The following BTRC variants were observed in gnomAD, a reference collection of about 807,000 sequenced individuals.
BTRC encodes beta-transducin repeat containing E3 ubiquitin protein ligase, also known as F-box/WD repeat-containing protein 1A.
A neutral mutation model predicts 85.5 loss-of-function variants in BTRC; 42 were observed. The observed-to-expected ratio is 0.49, with a 90% confidence interval of 0.38 to 0.64. The LOEUF (loss-of-function observed/expected upper bound fraction) is 0.64. Ranked by LOEUF, BTRC falls within the 30% of genes least tolerant of loss-of-function variation. The pLI, the probability that BTRC is intolerant of heterozygous loss-of-function variation, is 0.00. For synonymous variants in BTRC, 255 were observed against 263.3 expected, an observed-to-expected ratio of 0.97 and a Z score of 0.30; for missense variants, 594 against 743.5, an observed-to-expected ratio of 0.80 and a Z score of 2.34.
intron 1 of BTRC, among the ~76,000 whole-genome samples, chr10:101,383,970 C>T (rs1012569671): frequency 1.3e-5 from 2 of 152,186 alleles, no homozygotes; most frequent in Non-Finnish European, 2.9e-5. Flanking sequence ...CCGTCTCAGC[C>T]TCCCAAATAG....
At chr10:101,390,762 TAAAAAAGAA>T (rs568704641) in intron 1 of BTRC, among the ~76,000 whole-genome samples, 3 of 150,628 alleles carry the variant, frequency 2.0e-5, no homozygotes, top group African/African-American at 4.9e-5. Context: ...TTGTTTGTCT[TAAAAAAGAA>T]AGAAAGAAAG....
chr10:101,514,763 A>G (rs1461036482), intron 4 of BTRC, among the ~76,000 whole-genome samples: 1 of 150,818 alleles, frequency 6.6e-6, no homozygotes, highest in African/African-American at 2.4e-5. Context: ...TCCCCATTGA[A>G]TTATCTTGGC....
chr10:101,430,522 C>T (rs764984022), intron 2 of BTRC, 70 bp downstream of exon 2: 83 of 1,204,544 alleles, frequency 6.9e-5, no homozygotes, highest in Non-Finnish European at 9.8e-5. Context: ...GTATGTGCCT[C>T]CTCCTTTCCC....
intron 2 of BTRC, among the ~76,000 whole-genome samples, chr10:101,453,096 TTC>T (rs1352341157): frequency 2.0e-5 from 3 of 152,190 alleles, no homozygotes; most frequent in Admixed American, 6.5e-5. Context: ...AAATAATAAT[TTC>T]TGTTTTTGTA....
chr10:101,371,186 GT>G (rs60045010), intron 1 of BTRC, among the ~76,000 whole-genome samples: 54,463 of 149,454 alleles, frequency 0.36, 10,902 homozygotes, highest in Middle Eastern at 0.49. Context: ...TTTGTTTGGT[GT>G]TTTTTTTTTC....
At chr10:101,503,012 A>G (rs1946433470) in intron 4 of BTRC, among the ~76,000 whole-genome samples, 1 of 152,198 alleles carries the variant, frequency 6.6e-6, no homozygotes, top group African/African-American at 2.4e-5. Context: ...TTTTAATCTT[A>G]ACATTAGCCC....
At chr10:101,380,517 G>A (rs1232912209) in intron 1 of BTRC, among the ~76,000 whole-genome samples, 2 of 152,008 alleles carry the variant, frequency 1.3e-5, no homozygotes, top group Admixed American at 6.6e-5. Flanking sequence ...CTTCCCAGAC[G>A]GTGGGGCGGC....
intron 13 of BTRC, among the ~76,000 whole-genome samples, chr10:101,544,968 A>G (rs548379560): frequency 1.3e-5 from 2 of 152,020 alleles, no homozygotes; most frequent in South Asian, 4.2e-4. Flanking sequence ...TGTGAGGATC[A>G]TATGAGTCCA....
chr10:101,400,471 A>AT (rs1589423471), intron 1 of BTRC, among the ~76,000 whole-genome samples: 1 of 152,336 alleles, frequency 6.6e-6, no homozygotes. Flanking sequence ...AAAGCTCCAG[A>AT]TAGCTCCCTT....
intron 1 of BTRC, among the ~76,000 whole-genome samples, chr10:101,391,569 G>T (rs1201741675): frequency 6.6e-6 from 1 of 152,116 alleles, no homozygotes; most frequent in African/African-American, 2.4e-5. Context: ...ATGTATGTTG[G>T]AGAGACTCTT....
intron 2 of BTRC, among the ~76,000 whole-genome samples, chr10:101,461,027 C>A (rs1484123972): frequency 6.6e-6 from 1 of 151,956 alleles, no homozygotes; most frequent in African/African-American, 2.4e-5. Flanking sequence ...CTCAGACTCT[C>A]GAGTAGCTGG....
rs556929371 is a variant in BTRC, at chr10:101,526,274, G to A, written c.743+75G>A. The A allele has an allele frequency of 9.8e-6, 13 of 1,326,240 alleles. No homozygotes were observed. The South Asian group carries it at 1.0e-4, about 10-fold the overall frequency. 82.2% of individuals were successfully genotyped at this position (1,326,240 alleles called of 1,614,324 possible). ...TCACAGTCACTGAAAGATTTTTGGG[G>A]AGCCAATGAGACCACTTCTCATTTA... On this transcript the variant is annotated intron_variant, in intron 6 of 14. Transcript: ENST00000370187.
chr10:101,500,722 ATTAATT>A (rs1946379728), intron 4 of BTRC, among the ~76,000 whole-genome samples: 1 of 152,200 alleles, frequency 6.6e-6, no homozygotes, highest in African/African-American at 2.4e-5. Context: ...ATTTTAAATT[ATTAATT>A]TTAAAGTCAG....
In BTRC at chr10:101,550,714, G is replaced by A; in HGVS notation, c.1672G>A (p.Val558Ile). 1 of 1,612,752 alleles carries A rather than the reference G, an allele frequency of 6.2e-7. No homozygotes were observed. Among genetic ancestry groups the A allele is most frequent in the East Asian group, 2.2e-5 (1 of 44,848 alleles). ...ACTTCTTTAGGAGCATTCCGGAAGA[G>A]TTTTTCGACTACAGTTTGATGAATT... ...LRTLVEHSGR[V>I]FRLQFDEFQI... is the part of the protein sequence containing the mutation. The change falls in exon 14 of 15, where the codon GTT (valine) becomes ATT (isoleucine). Residue 558 changes from valine to isoleucine, a missense_variant. Coordinates refer to ENST00000370187, the MANE Select transcript of BTRC (RefSeq NM_033637.4).
chr10:101,383,975 A>G (rs1345799579), intron 1 of BTRC, among the ~76,000 whole-genome samples: 1 of 152,136 alleles, frequency 6.6e-6, no homozygotes, highest in Non-Finnish European at 1.5e-5. Context: ...TCAGCCTCCC[A>G]AATAGTTGCC....
At position 101,414,847 on chromosome 10, in the gene BTRC, C is replaced by T. The variant is rs1283044188; in HGVS notation, c.49-15498C>T. Among the ~76,000 whole-genome samples, 3 of 151,432 alleles carry T rather than the reference C, an allele frequency of 2.0e-5. No homozygotes were observed. The East Asian group carries it at 5.8e-4, about 29-fold the overall frequency. On this transcript the variant is annotated intron_variant, in intron 1 of 14. Coordinates refer to ENST00000370187, the MANE Select transcript of BTRC (RefSeq NM_033637.4). Reference sequence around the variant, plus strand: ...AGATGTAAGGAAAAATATTTTTGTACTGCTGTACAATATGTTTGTGTTTTG... The same window carrying T: ...AGATGTAAGGAAAAATATTTTTGTATTGCTGTACAATATGTTTGTGTTTTG...
chr10:101,410,307 T>C (rs1943741641), intron 1 of BTRC, among the ~76,000 whole-genome samples: 1 of 152,152 alleles, frequency 6.6e-6, no homozygotes, highest in South Asian at 2.1e-4. Context: ...ATTTTCCCAA[T>C]GACCGCTGAT....
At chr10:101,451,840 G>A (rs530880460) in intron 2 of BTRC, among the ~76,000 whole-genome samples, 23 of 152,240 alleles carry the variant, frequency 1.5e-4, no homozygotes, top group Admixed American at 5.2e-4. Flanking sequence ...AGAGCCTGCC[G>A]CTCAGGGGCT....
chr10:101,522,964 G>A (rs1334577901), intron 5 of BTRC, among the ~76,000 whole-genome samples: 1 of 152,132 alleles, frequency 6.6e-6, no homozygotes, highest in Non-Finnish European at 1.5e-5. Flanking sequence ...CCAGCACTTT[G>A]GGAGGCCGAA....
Sources: allele counts gnomAD v4.1 joint callset (sites outside exome capture counted in the v4.1 genomes callset), GRCh38; gene constraint gnomAD v4.1.1; transcripts MANE v1.5; gene names NCBI Gene and HGNC (gene_info 2026-07-23, HGNC 2026-07-21).